Variants in PIP4K2A observed in about 807,000 individuals in gnomAD.
PIP4K2A encodes phosphatidylinositol-5-phosphate 4-kinase type 2 alpha.
In PIP4K2A, 14 loss-of-function variants were observed where a neutral mutation model predicts 42.9. The ratio of observed to expected loss-of-function variants is 0.33; its 90% CI spans 0.22 to 0.51. PIP4K2A has a LOEUF of 0.51. Ranked by LOEUF, PIP4K2A falls within the 20% of genes least tolerant of loss-of-function variation. The pLI, the probability that PIP4K2A is intolerant of heterozygous loss-of-function variation, is 0.97. For synonymous variants in PIP4K2A, 192 were observed against 192.2 expected (o/e 1.00, Z 0.01); for missense variants, 434 against 519.8 (o/e 0.83, Z 1.61).
intron 1 of PIP4K2A, among the ~76,000 whole-genome samples, chr10:22,611,106 C>G (rs757950239): frequency 2.0e-5 from 3 of 152,166 alleles, no homozygotes; most frequent in Admixed American, 6.5e-5. Context: ...TCTGTAGATA[C>G]AGTTGGGCAC....
At chr10:22,554,730 C>T (rs1334261674) in intron 6 of PIP4K2A, among the ~76,000 whole-genome samples, 1 of 152,208 alleles carries the variant, frequency 6.6e-6, no homozygotes, top group African/African-American at 2.4e-5. Context: ...CTAAGTAAGG[C>T]GGGACGATTG....
At position 22,543,511 on chromosome 10, in the gene PIP4K2A, G is replaced by C. The variant is rs1588613924; in HGVS notation, c.793-1464C>G. ...ATGGGGCTCCTGCGTTCAGCTTTCT[G>C]GGTCCCAGAGAAGAGGGGAAGCCAC... is the stretch of plus-strand genomic sequence containing the variant. On this transcript the variant is annotated intron_variant, in intron 7 of 9. Transcript: ENST00000376573. Among the ~76,000 whole-genome samples the C allele has an allele frequency of 2.0e-5, 3 of 152,244 alleles. No individual in the cohort carries two copies. In the South Asian group the frequency reaches 6.2e-4, roughly 31 times the overall value.
chr10:22,550,824 A>C, intron 6 of PIP4K2A, 52 bp from the exon 7 acceptor site: 1 of 1,114,388 alleles, frequency 9.0e-7, no homozygotes, highest in Non-Finnish European at 1.4e-6. Flanking sequence ...AAACCTAAAA[A>C]AACCACATAC....
intron 1 of PIP4K2A, among the ~76,000 whole-genome samples, chr10:22,675,099 C>G (rs978514038): frequency 2.0e-5 from 3 of 152,170 alleles, no homozygotes; most frequent in Non-Finnish European, 4.4e-5. Flanking sequence ...ATCACTGATA[C>G]GTGACATCTT....
chr10:22,613,310 A>G (rs1227086525), intron 1 of PIP4K2A, among the ~76,000 whole-genome samples: 1 of 152,140 alleles, frequency 6.6e-6, no homozygotes, highest in Non-Finnish European at 1.5e-5. Context: ...AGGGAAGGAC[A>G]GGAGCGAGAT....
chr10:22,694,998 T>G (rs752931933), intron 1 of PIP4K2A, among the ~76,000 whole-genome samples: 6 of 152,168 alleles, frequency 3.9e-5, no homozygotes, highest in Non-Finnish European at 5.9e-5. Flanking sequence ...CTTCACCCAT[T>G]TGGATCCGTG....
intron 4 of PIP4K2A, among the ~76,000 whole-genome samples, chr10:22,587,850 T>C (rs918295020): frequency 2.6e-5 from 4 of 152,248 alleles, no homozygotes; most frequent in African/African-American, 2.4e-5. Flanking sequence ...CCTTTGCTAA[T>C]TGCTGCGGGT....
At chr10:22,624,407 T>C (rs960925332) in intron 1 of PIP4K2A, among the ~76,000 whole-genome samples, 7 of 152,222 alleles carry the variant, frequency 4.6e-5, no homozygotes, top group Non-Finnish European at 1.0e-4. Context: ...ACTCAAGGAT[T>C]AGAATAAATT....
chr10:22,680,368 T>C (rs1374045279), intron 1 of PIP4K2A, among the ~76,000 whole-genome samples: 4 of 152,360 alleles, frequency 2.6e-5, no homozygotes, highest in African/African-American at 9.6e-5. Context: ...ATTTAAATAT[T>C]GTGCTTTAGA....
intron 1 of PIP4K2A, among the ~76,000 whole-genome samples, chr10:22,638,302 C>T (rs1037100497): frequency 6.6e-6 from 1 of 152,184 alleles, no homozygotes; most frequent in Non-Finnish European, 1.5e-5. Context: ...CTCTTCTCTG[C>T]CACACTCTCC....
At chr10:22,678,515 T>A (rs867308978) in intron 1 of PIP4K2A, among the ~76,000 whole-genome samples, 6 of 151,856 alleles carry the variant, frequency 4.0e-5, no homozygotes, top group African/African-American at 7.3e-5. Context: ...CAGTAAAAAA[T>A]AAATAAATAA....
intron 1 of PIP4K2A, among the ~76,000 whole-genome samples, chr10:22,630,048 C>A (rs536708587): frequency 6.6e-6 from 1 of 152,264 alleles, no homozygotes; most frequent in African/African-American, 2.4e-5. Flanking sequence ...TCCAAAAGCA[C>A]ACCCAAGGCC....
chr10:22,664,108 TATATATAC>T (rs1430122157), intron 1 of PIP4K2A, among the ~76,000 whole-genome samples: 9 of 71,922 alleles, frequency 1.3e-4, no homozygotes, highest in African/African-American at 9.2e-4. Flanking sequence ...TATATACATA[TATATATAC>T]ATATATATAT....
intron 6 of PIP4K2A, among the ~76,000 whole-genome samples, chr10:22,560,026 C>A (rs973237815): frequency 6.6e-6 from 1 of 152,148 alleles, no homozygotes; most frequent in Non-Finnish European, 1.5e-5. Context: ...CTGGTGCCAC[C>A]TTTAAGGTCT....
In PIP4K2A at chr10:22,693,961, CG is replaced by C. The variant is rs1839921691; in HGVS notation, c.144+20221del. ...CATTTACACACCTTATCTGAGTATG[CG>C]GAGCCCTCGGATTAAAGCAAAGGCG... On this transcript the variant is annotated intron_variant, in intron 1 of 9. Coordinates refer to ENST00000376573, the MANE Select transcript of PIP4K2A (RefSeq NM_005028.5). 2.6e-5 allele frequency: 4 copies of C among 152,114 alleles called. No homozygotes were observed. In the South Asian group the frequency reaches 8.3e-4, roughly 32 times the overall value. 9.4% of individuals were successfully genotyped at this position (152,114 alleles called of 1,614,324 possible).
At chr10:22,624,819 T>C (rs540490397) in intron 1 of PIP4K2A, among the ~76,000 whole-genome samples, 5 of 152,340 alleles carry the variant, frequency 3.3e-5, no homozygotes, top group East Asian at 3.9e-4. Context: ...TTTGAAAATA[T>C]TTCCACTGTT....
At chr10:22,560,215 T>C (rs1418910185) in intron 6 of PIP4K2A, among the ~76,000 whole-genome samples, 1 of 152,126 alleles carries the variant, frequency 6.6e-6, no homozygotes, top group East Asian at 1.9e-4. Flanking sequence ...CTAAAAAGCT[T>C]GACAACCCCC....
intron 1 of PIP4K2A, among the ~76,000 whole-genome samples, chr10:22,631,187 T>C (rs1290973048): frequency 6.6e-6 from 1 of 152,202 alleles, no homozygotes; most frequent in African/African-American, 2.4e-5. Context: ...AACCTTTTTG[T>C]AAATAGTGAT....
At chr10:22,581,067 T>C (rs534168219) in intron 4 of PIP4K2A, among the ~76,000 whole-genome samples, 32 of 152,300 alleles carry the variant, frequency 2.1e-4, no homozygotes, top group South Asian at 6.2e-4. Context: ...ACCAGATAAG[T>C]GGGCTTATTC....
Sources: allele counts gnomAD v4.1 joint callset (sites outside exome capture counted in the v4.1 genomes callset), GRCh38; gene constraint gnomAD v4.1.1; transcripts MANE v1.5; gene names NCBI Gene and HGNC (gene_info 2026-07-23, HGNC 2026-07-21).